KIF27: variants seen among roughly 807,000 people sequenced by gnomAD.
KIF27 encodes the protein kinesin-like protein KIF27.
KIF27 carries 84 observed loss-of-function variants against 141.8 expected under a neutral mutation model. The ratio of observed to expected loss-of-function variants is 0.59; its 90% CI spans 0.50 to 0.71. KIF27 has a LOEUF of 0.71. Among genes scored for constraint, KIF27 ranks in the 30% least tolerant of loss-of-function variants. KIF27 has a pLI of 0.00. For synonymous variants in KIF27, 471 were observed against 569.5 expected, an observed-to-expected ratio of 0.83 and a Z score of 2.46; for missense variants, 1,306 against 1,628.4, an observed-to-expected ratio of 0.80 and a Z score of 3.41.
intron 2 of KIF27, among the ~76,000 whole-genome samples, chr9:83,912,799 T>A (rs1246666269): frequency 2.0e-5 from 3 of 152,080 alleles, no homozygotes; most frequent in Non-Finnish European, 2.9e-5. Context: ...AGGCTATACC[T>A]TGTAAAGGTA....
chr9:83,919,113 C>G (rs1189027549), intron 1 of KIF27, among the ~76,000 whole-genome samples: 2 of 151,884 alleles, frequency 1.3e-5, no homozygotes, highest in African/African-American at 4.8e-5. Flanking sequence ...AATGAGATAC[C>G]AATCCACATC....
intron 9 of KIF27, among the ~76,000 whole-genome samples, chr9:83,886,438 G>A (rs1952110945): frequency 6.6e-6 from 1 of 152,042 alleles, no homozygotes; most frequent in Admixed American, 6.6e-5. Context: ...TTGTCAGTGA[G>A]TGCTTACTTT....
intron 1 of KIF27, among the ~76,000 whole-genome samples, chr9:83,917,689 G>C (rs1955832947): frequency 6.6e-6 from 1 of 152,158 alleles, no homozygotes; most frequent in Admixed American, 6.5e-5. Flanking sequence ...AAGATGCCAA[G>C]ACAATTCAAC....
intron 7 of KIF27, 56 bp downstream of exon 7, chr9:83,889,028 A>G: frequency 6.5e-7 from 1 of 1,540,054 alleles, no homozygotes; most frequent in Non-Finnish European, 8.8e-7. Context: ...ACACTTCTAT[A>G]TTTATTGCAG....
intron 1 of KIF27, among the ~76,000 whole-genome samples, chr9:83,921,072 G>C (rs1031604828): frequency 6.6e-6 from 1 of 152,254 alleles, no homozygotes; most frequent in South Asian, 2.1e-4. Flanking sequence ...TGTTCCCCGG[G>C]ACCCGCTCCT....
rs199879827 is a variant in KIF27, at chr9:83,859,386, C to G, written c.2935-15G>C. The G allele has an allele frequency of 4.2e-5, 66 of 1,573,988 alleles. 1 individual carries two copies. The East Asian group carries it at 1.5e-3, about 35-fold the overall frequency. On this transcript the variant is annotated splice_polypyrimidine_tract_variant and intron_variant, in intron 13 of 17. Coordinates refer to ENST00000297814, the MANE Select transcript of KIF27 (RefSeq NM_017576.4). The stretch of plus-strand genomic sequence containing the variant: ...GTGTTTAAGGCCTAAAAGATACAAC[C>G]CACCAGCCACCTCAAAAACAGTTAC...
chr9:83,847,414 T>A (rs1947431066), intron 16 of KIF27: 1 of 152,206 alleles, frequency 6.6e-6, no homozygotes, highest in African/African-American at 2.4e-5. Context: ...TGTAATAGCA[T>A]TTGGGTTGGG....
intron 14 of KIF27, among the ~76,000 whole-genome samples, chr9:83,857,273 T>A (rs2131820371): frequency 6.6e-6 from 1 of 152,350 alleles, no homozygotes; most frequent in African/African-American, 2.4e-5. Flanking sequence ...CCATTCCAAC[T>A]AGATTTTATT....
chr9:83,839,338 T>C (rs1156940350), intron 17 of KIF27, among the ~76,000 whole-genome samples: 1 of 152,192 alleles, frequency 6.6e-6, no homozygotes, highest in African/African-American at 2.4e-5. Context: ...GGGAACCGAC[T>C]AGGGAAAGAT....
chr9:83,862,353 T>C (rs568482121), intron 13 of KIF27, among the ~76,000 whole-genome samples: 111 of 152,324 alleles, frequency 7.3e-4, no homozygotes, highest in African/African-American at 2.6e-3. Context: ...AATTTTTGTA[T>C]AAGATGTAAG....
chr9:83,899,929 C>G, intron 4 of KIF27, 125 bp from the exon 5 acceptor site: 1 of 719,632 alleles, frequency 1.4e-6, no homozygotes, highest in Non-Finnish European at 2.1e-6. Context: ...TTTTCATTTT[C>G]AACTTTTTCT....
At chr9:83,884,088 ATACTC>A in intron 9 of KIF27, 70 bp from the exon 10 acceptor site, 1 of 1,129,736 alleles carries the variant, frequency 8.9e-7, no homozygotes. Flanking sequence ...AAACATAAAA[ATACTC>A]TACTCTAAAA....
chr9:83,851,591 A>T (rs1948596348), intron 15 of KIF27, among the ~76,000 whole-genome samples: 1 of 152,108 alleles, frequency 6.6e-6, no homozygotes, highest in East Asian at 1.9e-4. Flanking sequence ...CCTGGCCTCA[A>T]GTGATCCTAC....
rs1289014540 is a variant in KIF27 at position 83,861,333 on chromosome 9, C to A, written c.2935-1962G>T. On this transcript the variant is annotated intron_variant, in intron 13 of 17. Transcript: ENST00000297814. Reference sequence around the variant, plus strand: ...TCCTAATGCTATCCCTCCCCCCTTCCCCCACCCCACAACAGGCCCCGGTGT... The same window carrying A: ...TCCTAATGCTATCCCTCCCCCCTTCACCCACCCCACAACAGGCCCCGGTGT... 7.2e-5 allele frequency among the ~76,000 whole-genome samples: 11 copies of A among 152,012 alleles called. No homozygotes were observed. In the East Asian group the frequency reaches 1.9e-3, roughly 27 times the overall value.
intron 11 of KIF27, among the ~76,000 whole-genome samples, chr9:83,871,569 A>T: frequency 6.6e-6 from 1 of 152,340 alleles, no homozygotes; most frequent in South Asian, 2.1e-4. Flanking sequence ...GTAGAAATGC[A>T]AAAAGAAAAG....
At chr9:83,909,158 G>C (rs1448322660) in intron 2 of KIF27, among the ~76,000 whole-genome samples, 1 of 152,084 alleles carries the variant, frequency 6.6e-6, no homozygotes, top group Admixed American at 6.5e-5. Context: ...TAACTGATAA[G>C]TGAATTATAT....
chr9:83,902,348 G>A (rs1023842072), intron 4 of KIF27, among the ~76,000 whole-genome samples: 1 of 152,170 alleles, frequency 6.6e-6, no homozygotes, highest in Non-Finnish European at 1.5e-5. Context: ...CCATTCATTT[G>A]CTCACTAGCT....
At chr9:83,891,260 A>G in intron 6 of KIF27, 35 bp downstream of exon 6, 5 of 1,579,918 alleles carry the variant, frequency 3.2e-6, no homozygotes, top group Non-Finnish European at 4.3e-6. Context: ...AATTTTTTTA[A>G]TCTCCAAATA....
At chr9:83,916,676 T>C (rs1588340984) in intron 1 of KIF27, among the ~76,000 whole-genome samples, 1 of 150,976 alleles carries the variant, frequency 6.6e-6, no homozygotes, top group East Asian at 1.9e-4. Context: ...TTTTTTTTTT[T>C]TTTTTGAGAC....
Sources: gnomAD v4.1 joint callset for allele counts (sites outside exome capture counted in the v4.1 genomes callset) on GRCh38, gnomAD v4.1.1 for gene constraint, MANE v1.5 for transcripts, NCBI Gene and HGNC (gene_info 2026-07-23, HGNC 2026-07-21) for gene names.